NIPBL: variants seen among roughly 807,000 people sequenced by gnomAD.
NIPBL encodes NIPBL cohesin loading factor, also known as nipped-B-like protein.
A neutral mutation model predicts 321.8 loss-of-function variants in NIPBL; 19 were observed. The ratio of observed to expected loss-of-function variants is 0.06; its 90% CI spans 0.04 to 0.09. NIPBL has a LOEUF of 0.09. Among genes scored for constraint, NIPBL ranks in the 10% least tolerant of loss-of-function variants. The pLI is 1.00. For synonymous variants in NIPBL, 1,106 were observed against 1,114.1 expected (o/e 0.99, Z 0.14); for missense variants, 2,210 against 3,327.0 (o/e 0.66, Z 8.26).
At chr5:36,942,689 C>T (rs186729059) in intron 1 of NIPBL, among the ~76,000 whole-genome samples, 18 of 147,242 alleles carry the variant, frequency 1.2e-4, no homozygotes, top group African/African-American at 4.3e-4. Flanking sequence ...TGTAATGAGC[C>T]GAGATCGCAC....
chr5:36,946,932 A>G (rs1306107988), intron 1 of NIPBL, among the ~76,000 whole-genome samples: 1 of 152,138 alleles, frequency 6.6e-6, no homozygotes, highest in African/African-American at 2.4e-5. Flanking sequence ...AGGCAAACAT[A>G]AGAATATAAG....
At chr5:36,911,408 A>G (rs1205203231) in intron 1 of NIPBL, among the ~76,000 whole-genome samples, 3 of 152,218 alleles carry the variant, frequency 2.0e-5, no homozygotes, top group South Asian at 2.1e-4. Flanking sequence ...CAAATCTTTC[A>G]TACTCTTTAA....
chr5:36,923,137 AAAAATAC>A (rs1033321942), intron 1 of NIPBL, among the ~76,000 whole-genome samples: 2 of 151,974 alleles, frequency 1.3e-5, no homozygotes, highest in African/African-American at 4.8e-5. Context: ...ATTTTGTACT[AAAAATAC>A]AAAATACAAA....
intron 6 of NIPBL, among the ~76,000 whole-genome samples, chr5:36,970,378 G>C (rs961604894): frequency 2.7e-5 from 4 of 145,524 alleles, no homozygotes; most frequent in African/African-American, 1.0e-4. Context: ...AGAGCTGTCT[G>C]TAAAAAAAAT....
intron 23 of NIPBL, 145 bp downstream of exon 23, chr5:37,016,315 C>A: frequency 1.2e-6 from 1 of 862,840 alleles, no homozygotes; most frequent in Non-Finnish European, 1.8e-6. Flanking sequence ...TAACTGTACA[C>A]AATATTGTCA....
At chr5:36,886,362 T>C (rs1745906472) in intron 1 of NIPBL, 2 of 717,124 alleles carry the variant, frequency 2.8e-6, no homozygotes, top group Non-Finnish European at 5.1e-6. Context: ...TGCTTGAAGA[T>C]GGCAAGAACT....
At chr5:36,879,530 C>CTTTAAA (rs1468284855) in intron 1 of NIPBL, among the ~76,000 whole-genome samples, 16 of 152,290 alleles carry the variant, frequency 1.1e-4, no homozygotes, top group Non-Finnish European at 8.8e-5. Flanking sequence ...TAAACTTGAA[C>CTTTAAA]TTTAAATCTC....
chr5:36,996,357 C>G lies in NIPBL; in HGVS notation c.3304+553C>G, dbSNP rs914536594. Reference sequence around the variant, plus strand: ...GAAGAAATATTTAAAACCATACTATCACTAAATTATGAATGGATTAGCCAC... The same window carrying G: ...GAAGAAATATTTAAAACCATACTATGACTAAATTATGAATGGATTAGCCAC... On this transcript the variant is annotated intron_variant, in intron 11 of 46. Transcript: ENST00000282516. This position sits in a 1 kb window ranked among gnomAD's most constrained non-coding sequence, Gnocchi z 5.0. 2 of 454,128 alleles carry G rather than the reference C, an allele frequency of 4.4e-6. No individual in the cohort carries two copies. Among genetic ancestry groups the G allele is most frequent in the South Asian group, 3.1e-5 (2 of 64,258 alleles). The allele number at this position is 454,128 out of a possible 1,614,324, so 28.1% of individuals were successfully genotyped here.
At chr5:37,005,960 T>C (rs1344147757) in intron 16 of NIPBL, among the ~76,000 whole-genome samples, 4 of 152,190 alleles carry the variant, frequency 2.6e-5, no homozygotes, top group Non-Finnish European at 4.4e-5. Context: ...TCATTAATTT[T>C]TGCTTTGTTA....
intron 3 of NIPBL, among the ~76,000 whole-genome samples, chr5:36,956,141 G>A (rs1289795511): frequency 6.6e-6 from 1 of 151,836 alleles, no homozygotes; most frequent in African/African-American, 2.4e-5. Flanking sequence ...TGAGGCAGGA[G>A]AATCACTTGA....
intron 20 of NIPBL, 89 bp from the exon 21 acceptor site, chr5:37,009,998 A>C: frequency 9.8e-7 from 1 of 1,021,962 alleles, no homozygotes; most frequent in Non-Finnish European, 1.5e-6. Flanking sequence ...AATATTGGCA[A>C]ACACAGTATC....
chr5:36,945,602 G>A lies in NIPBL; in HGVS notation c.-79-8016G>A, dbSNP rs187028126. On this transcript the variant is annotated intron_variant, in intron 1 of 46. Coordinates refer to ENST00000282516, the MANE Select transcript of NIPBL (RefSeq NM_133433.4). ...CCAGCGGTGGCTGCAGAGAGCTCAG[G>A]GTTCCAGAAGCAAAGCAAGTGTCTG... is the stretch of plus-strand genomic sequence containing the variant. Among the ~76,000 whole-genome samples the A allele has an allele frequency of 2.6e-5, 4 of 152,134 alleles. No individual in the cohort carries two copies. The East Asian group carries it at 5.8e-4, about 22-fold the overall frequency.
intron 11 of NIPBL, among the ~76,000 whole-genome samples, chr5:36,999,613 A>C (rs1004709725): frequency 2.8e-4 from 43 of 152,218 alleles, no homozygotes; most frequent in African/African-American, 9.6e-4. Flanking sequence ...TCTGTTTGCC[A>C]GGTCTGCCTA....
At chr5:36,992,191 A>C (rs983680356) in intron 10 of NIPBL, among the ~76,000 whole-genome samples, 1 of 152,332 alleles carries the variant, frequency 6.6e-6, no homozygotes, top group South Asian at 2.1e-4. Context: ...TCAAGCCAGT[A>C]ACATAAAGTT....
chr5:37,022,219 T>C, intron 28 of NIPBL, 25 bp from the exon 29 acceptor site: 1 of 1,613,646 alleles, frequency 6.2e-7, no homozygotes, highest in Non-Finnish European at 8.5e-7. Context: ...GTATAAATTG[T>C]TTTTTTCTCT....
At chr5:36,879,057 G>GT (rs899816488) in intron 1 of NIPBL, among the ~76,000 whole-genome samples, 14 of 152,016 alleles carry the variant, frequency 9.2e-5, no homozygotes, top group African/African-American at 2.9e-4. Context: ...CAGAGGGTTT[G>GT]TTTTTTTGGG....
chr5:36,905,711 A>C lies in NIPBL; in HGVS notation c.-80+28533A>C, dbSNP rs182987859. Among the ~76,000 whole-genome samples the C allele has an allele frequency of 3.3e-5, 5 of 152,224 alleles. No homozygotes were observed. In the East Asian group the frequency reaches 9.6e-4, roughly 29 times the overall value. On this transcript the variant is annotated intron_variant, in intron 1 of 46. Transcript: ENST00000282516. ...TCTGAAATTTATCTAAAAAATAAGA[A>C]AGTCAAAGAAAATTCTGAAAACTAT...
At chr5:37,040,422 A>G (rs1752206260) in intron 34 of NIPBL, among the ~76,000 whole-genome samples, 2 of 152,176 alleles carry the variant, frequency 1.3e-5, no homozygotes, top group East Asian at 3.8e-4. Context: ...ATAGTTGTGG[A>G]CACAGAGGTA....
intron 24 of NIPBL, among the ~76,000 whole-genome samples, 181 bp downstream of exon 24, chr5:37,017,343 C>T (rs1749106985): frequency 6.6e-6 from 1 of 152,114 alleles, no homozygotes; most frequent in Admixed American, 6.5e-5. Context: ...TTTAGTCTAA[C>T]AGGGACTTCT....
Sources: gnomAD v4.1 joint callset for allele counts (sites outside exome capture counted in the v4.1 genomes callset) on GRCh38, gnomAD v4.1.1 for gene constraint, Gnocchi (gnomAD v3.1) non-coding constraint, MANE v1.5 for transcripts, NCBI Gene and HGNC (gene_info 2026-07-23, HGNC 2026-07-21) for gene names.